TLE5: variants seen among roughly 807,000 people sequenced by gnomAD.
TLE5 encodes TLE family member 5, transcriptional modulator, also known as TLE family member 5.
In TLE5, 7 loss-of-function variants were observed where a neutral mutation model predicts 25.8. That is an observed-to-expected ratio of 0.27 (90% CI 0.15 to 0.51). The LOEUF (loss-of-function observed/expected upper bound fraction) is 0.51, where lower values mean the gene tolerates loss of function less well. Among genes scored for constraint, TLE5 ranks in the 20% least tolerant of loss-of-function variants. The pLI, the probability that TLE5 is intolerant of heterozygous loss-of-function variation, is 0.97. For synonymous variants in TLE5, 132 were observed against 110.5 expected (o/e 1.20, Z -1.22); for missense variants, 149 against 250.7 (o/e 0.59, Z 2.74).
intron 1 of TLE5, 100 bp from the exon 2 acceptor site, chr19:3,061,357 T>G: frequency 2.3e-6 from 2 of 851,070 alleles, no homozygotes; most frequent in Non-Finnish European, 3.8e-6. Context: ...GCGCCCCCCC[T>G]CCTGCCCCAC....
upstream of TLE5, chr19:3,062,788 C>G (rs567830569): frequency 7.9e-5 from 122 of 1,549,522 alleles, no homozygotes; most frequent in Admixed American, 4.9e-4. Flanking sequence ...TGCTGTGGCA[C>G]GACCTGGACG....
chr19:3,058,280 C>T (rs2090237265), intron 2 of TLE5, among the ~76,000 whole-genome samples: 2 of 152,176 alleles, frequency 1.3e-5, no homozygotes, highest in Non-Finnish European at 2.9e-5. Context: ...GCCTTCACCT[C>T]TCACGGTCCC....
Position 3,061,276 on chromosome 19 carries a change from C to T in TLE5, c.28-19G>A, listed in dbSNP as rs1394470444. Reference sequence around the variant, plus strand: ...AGGAGCCCTGTAGGGATGGGGCGGCCCGGGTCAGGCCCAGGCGTGGGCTGG... The same window carrying T: ...AGGAGCCCTGTAGGGATGGGGCGGCTCGGGTCAGGCCCAGGCGTGGGCTGG... On this transcript the variant is annotated intron_variant, in intron 1 of 6. Transcript: ENST00000327141. 2.5e-6 allele frequency: 4 copies of T among 1,595,836 alleles called. No homozygotes were observed. The South Asian group carries it at 4.4e-5, about 18-fold the overall frequency.
Position 3,061,261 on chromosome 19 carries a change from T to A in TLE5, c.28-4A>T, listed in dbSNP as rs756158743. 8.1e-6 allele frequency: 13 copies of A among 1,611,200 alleles called. No individual in the cohort carries two copies. On this transcript the variant is annotated splice_polypyrimidine_tract_variant and splice_region_variant and intron_variant, in intron 1 of 6. Coordinates refer to ENST00000327141, the MANE Select transcript of TLE5 (RefSeq NM_001130.6). ...GCTGGGGTAGGTGCGAGGAGCCCTG[T>A]AGGGATGGGGCGGCCCGGGTCAGGC...
At chr19:3,061,307 C>A (rs552109568) in intron 1 of TLE5, 50 bp from the exon 2 acceptor site, 3 of 1,454,650 alleles carry the variant, frequency 2.1e-6, no homozygotes, top group Non-Finnish European at 2.9e-6. Context: ...GCTGGACCCC[C>A]CTCAAGGGCC....
chr19:3,059,687 C>T (rs2090248677), intron 2 of TLE5, among the ~76,000 whole-genome samples: 1 of 152,146 alleles, frequency 6.6e-6, no homozygotes, highest in South Asian at 2.1e-4. Context: ...AAGCCCAGGC[C>T]CAGCGGATGG....
chr19:3,055,483 T>C (rs1265234051), intron 5 of TLE5, 181 bp downstream of exon 5: 1 of 436,066 alleles, frequency 2.3e-6, no homozygotes, highest in Non-Finnish European at 4.0e-6. Context: ...ACCCCTGGAG[T>C]GTCTCTGGCC....
intron 2 of TLE5, 111 bp downstream of exon 2, chr19:3,061,049 T>A (rs2090261812): frequency 1.3e-6 from 1 of 789,312 alleles, no homozygotes; most frequent in African/African-American, 1.7e-5. Context: ...TAGGTCAGAG[T>A]CTAGCATATA....
At chr19:3,061,668 GTC>G (rs968450686) in intron 1 of TLE5, among the ~76,000 whole-genome samples, 3 of 151,598 alleles carry the variant, frequency 2.0e-5, no homozygotes, top group African/African-American at 4.8e-5. Flanking sequence ...TGGGGGAGGG[GTC>G]TCTCTCTCGG....
At chr19:3,055,766 G>T (rs1485344255) in intron 4 of TLE5, 40 bp from the exon 5 acceptor site, 3 of 1,568,680 alleles carry the variant, frequency 1.9e-6, no homozygotes, top group Non-Finnish European at 8.6e-7. Context: ...TCCTGGGCGG[G>T]TGGCAGGTGC....
intron 6 of TLE5, 34 bp downstream of exon 6, chr19:3,054,086 T>TCCGGGGGGCCCCCC: frequency 2.0e-6 from 3 of 1,512,810 alleles, no homozygotes; most frequent in Non-Finnish European, 2.7e-6. Context: ...GGCCCACCTG[T>TCCGGGGGGCCCCCC]CCCCCGCCCA....
chr19:3,054,182 C>T lies in TLE5; in HGVS notation c.310G>A (p.Val104Ile). ...TTGGCCCTCTCAATGGCTCCCAAGACCTGCTGCTGGTGCTGGAAGGGGGTC... is the reference window on the plus strand; with the variant it reads ...TTGGCCCTCTCAATGGCTCCCAAGATCTGCTGCTGGTGCTGGAAGGGGGTC... ...PYLSQEHQQQ[V>I]LGAIERAKQV... The change falls in exon 6 of 7, where the codon GTC becomes ATC. Residue 104 changes from valine to isoleucine, a missense_variant. Transcript: ENST00000327141. 1 of 1,602,342 alleles carries T rather than the reference C, an allele frequency of 6.2e-7. No individual in the cohort carries two copies. The highest frequency in any genetic ancestry group is 8.5e-7 in the Non-Finnish European group (1 of 1,177,770).
At chr19:3,059,583 G>A (rs1292383928) in intron 2 of TLE5, among the ~76,000 whole-genome samples, 1 of 152,178 alleles carries the variant, frequency 6.6e-6, no homozygotes, top group African/African-American at 2.4e-5. Flanking sequence ...GGCCTTTCTT[G>A]AAAAATAGGA....
chr19:3,054,086 T>TGGGGGGGGGCCCC, intron 6 of TLE5, 34 bp downstream of exon 6: 3 of 1,512,800 alleles, frequency 2.0e-6, no homozygotes, highest in Non-Finnish European at 2.7e-6. Context: ...GGCCCACCTG[T>TGGGGGGGGGCCCC]CCCCCGCCCA....
At chr19:3,054,086 T>TCCCCTGG in intron 6 of TLE5, 34 bp downstream of exon 6, 2 of 1,512,816 alleles carry the variant, frequency 1.3e-6, no homozygotes, top group Non-Finnish European at 8.9e-7. Flanking sequence ...GGCCCACCTG[T>TCCCCTGG]CCCCCGCCCA....
In TLE5 at chr19:3,057,793, GC is replaced by G. The variant is rs543134546; in HGVS notation, c.126-52del. 3.2e-4 allele frequency: 492 copies of G among 1,561,406 alleles called. 5 individuals carry two copies. The South Asian group carries it at 5.3e-3, about 17-fold the overall frequency. The stretch of plus-strand genomic sequence containing the variant: ...GGTGGTTAGTGGCGGCTGGGCGGGA[GC>G]CCCCCACCCTCCGTTATCCAGGGGA... On this transcript the variant is annotated intron_variant, in intron 2 of 6. Transcript: ENST00000327141.
intron 3 of TLE5, 54 bp downstream of exon 3, chr19:3,057,625 G>A (rs2090230878): frequency 6.4e-7 from 1 of 1,554,394 alleles, no homozygotes; most frequent in Non-Finnish European, 8.9e-7. Flanking sequence ...GAGGGGATGT[G>A]GAGGGCCCTG....
At chr19:3,061,769 CA>C (rs564587408) in intron 1 of TLE5, among the ~76,000 whole-genome samples, 15 of 150,038 alleles carry the variant, frequency 1.0e-4, no homozygotes, top group Admixed American at 2.6e-4. Flanking sequence ...CGCCTCGGAT[CA>C]CCCCCCCCAC....
At chr19:3,056,522 G>C in intron 3 of TLE5, 166 bp from the exon 4 acceptor site, 11 of 593,260 alleles carry the variant, frequency 1.9e-5, no homozygotes, top group Admixed American at 2.6e-5. Flanking sequence ...GAAAGAGGAG[G>C]GAGAGACGCC....
Sources: gnomAD v4.1 joint callset for allele counts (sites outside exome capture counted in the v4.1 genomes callset) on GRCh38, gnomAD v4.1.1 for gene constraint, MANE v1.5 for transcripts, NCBI Gene and HGNC (gene_info 2026-07-23, HGNC 2026-07-21) for gene names.